Variants in PLEKHD1 observed in about 807,000 individuals in gnomAD.
PLEKHD1 encodes pleckstrin homology domain-containing family D member 1.
In PLEKHD1, 51 loss-of-function variants were observed where a neutral mutation model predicts 69.2. The ratio of observed to expected loss-of-function variants is 0.74; its 90% confidence interval spans 0.59 to 0.93. PLEKHD1 has a LOEUF of 0.93. Ranked by LOEUF, PLEKHD1 falls within the 40% of genes least tolerant of loss-of-function variation. PLEKHD1 has a pLI of 0.00. For missense variants in PLEKHD1, 584 were observed against 641.0 expected (o/e 0.91, Z 0.96); for synonymous variants, 236 against 244.7 (o/e 0.96, Z 0.33).
chr14:69,478,011 C>T, the PLEKHD1 span, among the ~76,000 whole-genome samples: 2 of 152,264 alleles, frequency 1.3e-5, no homozygotes, highest in Non-Finnish European at 2.9e-5. Flanking sequence ...AGCAGAAATT[C>T]TCCATGAGAA....
chr14:69,531,484 A>ATTT lies in PLEKHD1; in HGVS notation c.*3070_*3072dup, dbSNP rs1208220137. ...TACTTAGTGGAGATATGTTGATGTA[A>ATTT]TTTTTTTAATTTTTAAAAACAAAAC... On this transcript the variant is annotated 3_prime_UTR_variant, in exon 13 of 13. Coordinates refer to ENST00000322564, the MANE Select transcript of PLEKHD1 (RefSeq NM_001161498.2). 1 of 152,214 alleles carries ATTT rather than the reference A, an allele frequency of 6.6e-6. No individual in the cohort carries two copies. The highest frequency in any genetic ancestry group is 1.5e-5 in the Non-Finnish European group (1 of 68,052). The allele number at this position is 152,214 out of a possible 1,614,324, so 9.4% of individuals were successfully genotyped here. A position where few individuals can be genotyped will look rare whatever the true frequency, so the allele number is the denominator to read the frequency against.
chr14:69,496,901 C>T (rs571261225), intron 1 of PLEKHD1, among the ~76,000 whole-genome samples: 5 of 152,120 alleles, frequency 3.3e-5, no homozygotes, highest in African/African-American at 9.6e-5. Flanking sequence ...GGGCCCTACC[C>T]TTAAGACCTT....
At chr14:69,484,683 A>C, upstream of PLEKHD1, 1 of 339,254 alleles carries the variant, frequency 2.9e-6, no homozygotes, top group Non-Finnish European at 5.4e-6. Flanking sequence ...CTAGGGCGGG[A>C]GGGGAGGAGA....
At chr14:69,519,532 C>G (rs538039234) in intron 6 of PLEKHD1, among the ~76,000 whole-genome samples, 2 of 152,260 alleles carry the variant, frequency 1.3e-5, no homozygotes, top group Middle Eastern at 6.8e-3. Context: ...TAGGGGACTA[C>G]TGGGGAAGGA....
chr14:69,479,718 C>T (rs554609331), upstream of PLEKHD1, among the ~76,000 whole-genome samples: 4 of 152,180 alleles, frequency 2.6e-5, no homozygotes, highest in Admixed American at 6.5e-5. Context: ...CTTCAGAACA[C>T]GAAAGCCCAG....
At chr14:69,518,853 C>G (rs1883445269) in intron 6 of PLEKHD1, among the ~76,000 whole-genome samples, 1 of 152,160 alleles carries the variant, frequency 6.6e-6, no homozygotes, top group Non-Finnish European at 1.5e-5. Context: ...GGGGTGCCTC[C>G]TCCCCTAGGT....
intron 1 of PLEKHD1, among the ~76,000 whole-genome samples, chr14:69,496,186 C>A (rs1045384960): frequency 1.3e-5 from 2 of 152,210 alleles, no homozygotes; most frequent in Non-Finnish European, 2.9e-5. Context: ...CCCCAGAGCC[C>A]TGTGCTCTCC....
intron 6 of PLEKHD1, among the ~76,000 whole-genome samples, chr14:69,511,116 T>C (rs1883260866): frequency 6.6e-6 from 1 of 152,188 alleles, no homozygotes; most frequent in South Asian, 2.1e-4. Context: ...GATGTATTAT[T>C]CGTTTGGATT....
intron 1 of PLEKHD1, among the ~76,000 whole-genome samples, chr14:69,491,824 G>A (rs1012127286): frequency 3.3e-5 from 5 of 152,172 alleles, no homozygotes; most frequent in Non-Finnish European, 5.9e-5. Context: ...AATTCATATT[G>A]GATGGCACCT....
intron 7 of PLEKHD1, 27 bp downstream of exon 7, chr14:69,522,404 G>T (rs765580256): frequency 1.9e-6 from 3 of 1,549,874 alleles, no homozygotes; most frequent in Non-Finnish European, 2.6e-6. Flanking sequence ...GGAATTGGGG[G>T]TGCCACTAAG....
At chr14:69,511,134 C>CTTTGTTTT (rs1883261550) in intron 6 of PLEKHD1, among the ~76,000 whole-genome samples, 1 of 151,528 alleles carries the variant, frequency 6.6e-6, no homozygotes, top group African/African-American at 2.4e-5. Context: ...ATTTGGTTTT[C>CTTTGTTTT]TTTGTTTTGT....
chr14:69,484,004 G>A (rs140222837), upstream of PLEKHD1, among the ~76,000 whole-genome samples: 190 of 152,372 alleles, frequency 1.2e-3, 5 homozygotes, highest in East Asian at 0.031. Flanking sequence ...GACACACACT[G>A]CACGGATAGC....
rs915698232 is a variant in PLEKHD1, at chr14:69,522,316, G to A, written c.589G>A (p.Glu197Lys). Residue 197 changes from glutamate to lysine, a missense_variant, in exon 7 of 13, where the codon GAG (glutamate) becomes AAG (lysine). Physicochemically the swap from Glu to Lys is moderately conservative, Grantham distance 56. Coordinates refer to ENST00000322564, the MANE Select transcript of PLEKHD1 (RefSeq NM_001161498.2). ...LERLNQVLEA[E>K]KQQFEEVVQE... ...GCGCCTTAACCAGGTGCTGGAGGCC[G>A]AGAAGCAGCAGTTCGAGGAGGTGGT... 6 of 1,551,476 alleles carry A rather than the reference G, an allele frequency of 3.9e-6. No homozygotes were observed. The Admixed American group carries it at 5.9e-5, about 15-fold the overall frequency.
Position 69,524,316 on chromosome 14 carries a change from A to C in PLEKHD1, c.738A>C (p.Thr246=), listed in dbSNP as rs1883589716. The change falls in exon 8 of 13, where the codon ACA becomes ACC. Residue 246 remains threonine (T), a synonymous_variant. Transcript: ENST00000322564. ...LRHLTESLQQ[T]LEELSIEKKK... is the part of the protein sequence containing the mutation. Reference sequence around the variant, plus strand: ...ACCTCACGGAGTCCTTGCAGCAGACACTGGAGGTGAGGGGCTGCTGGTGGG... The same window carrying C: ...ACCTCACGGAGTCCTTGCAGCAGACCCTGGAGGTGAGGGGCTGCTGGTGGG... The C allele has an allele frequency of 6.4e-7, 1 of 1,551,146 alleles. No individual in the cohort carries two copies. The highest frequency in any genetic ancestry group is 8.7e-7 in the Non-Finnish European group (1 of 1,146,712).
the PLEKHD1 span, among the ~76,000 whole-genome samples, chr14:69,468,204 C>T: frequency 2.6e-5 from 4 of 152,014 alleles, no homozygotes; most frequent in Admixed American, 6.5e-5. Context: ...TGTTCAGAGC[C>T]GTGAGTTAAA....
At chr14:69,517,145 G>A (rs559956470) in intron 6 of PLEKHD1, among the ~76,000 whole-genome samples, 1 of 152,100 alleles carries the variant, frequency 6.6e-6, no homozygotes. Flanking sequence ...TGGGGGTGGG[G>A]GGCAATACGA....
chr14:69,501,777 C>T lies in PLEKHD1; in HGVS notation c.454C>T (p.Leu152=). ...AQLGEAMIKS[L]EAQGLQLAKE... Reference sequence around the variant, plus strand: ...GCTGGGAGAAGCCATGATCAAAAGCCTGGAGGCCCAGGGGCTGCAGTTGGC... The same window carrying T: ...GCTGGGAGAAGCCATGATCAAAAGCTTGGAGGCCCAGGGGCTGCAGTTGGC... The change falls in exon 5 of 13, where the codon CTG becomes TTG. Residue 152 remains leucine, a synonymous_variant. Coordinates refer to ENST00000322564, the MANE Select transcript of PLEKHD1 (RefSeq NM_001161498.2). The T allele has an allele frequency of 6.4e-7, 1 of 1,551,620 alleles. No individual in the cohort carries two copies. Among genetic ancestry groups the T allele is most frequent in the Non-Finnish European group, 8.7e-7 (1 of 1,146,912 alleles).
At chr14:69,470,545 G>A in the PLEKHD1 span, among the ~76,000 whole-genome samples, 1 of 151,986 alleles carries the variant, frequency 6.6e-6, no homozygotes, top group African/African-American at 2.4e-5. Flanking sequence ...ACATCACTGT[G>A]TCTACAAGGG....
At chr14:69,503,049 C>A in intron 6 of PLEKHD1, 170 bp downstream of exon 6, 1 of 708,536 alleles carries the variant, frequency 1.4e-6, no homozygotes, top group Non-Finnish European at 2.4e-6. Context: ...CTTGCTGTAA[C>A]TTGTTGGTAA....
Sources: gnomAD v4.1 joint callset for allele counts (sites outside exome capture counted in the v4.1 genomes callset) on GRCh38, gnomAD v4.1.1 for gene constraint, MANE v1.5 for transcripts, NCBI Gene and HGNC (gene_info 2026-07-23, HGNC 2026-07-21) for gene names.